The following ARHGEF26 variants were observed in gnomAD, a reference collection of about 807,000 sequenced individuals.
ARHGEF26 encodes the protein Rho guanine nucleotide exchange factor 26.
In ARHGEF26, 59 loss-of-function variants were observed where a neutral mutation model predicts 89.4. That is an observed-to-expected ratio of 0.66 (90% CI 0.54 to 0.82). ARHGEF26 has a LOEUF of 0.82. Among genes scored for constraint, ARHGEF26 ranks in the 40% least tolerant of loss-of-function variants. The pLI is 0.00. For missense variants in ARHGEF26, 1,234 were observed against 1,085.6 expected (o/e 1.14, Z -1.92); for synonymous variants, 500 against 428.4 (o/e 1.17, Z -2.06).
chr3:154,248,040 G>A (rs1218491336), intron 12 of ARHGEF26, among the ~76,000 whole-genome samples: 1 of 152,184 alleles, frequency 6.6e-6, no homozygotes, highest in Non-Finnish European at 1.5e-5. Context: ...CACACAACAG[G>A]CTGTGGCAAG....
At chr3:154,143,099 A>G (rs1457041619) in intron 4 of ARHGEF26, among the ~76,000 whole-genome samples, 1 of 152,134 alleles carries the variant, frequency 6.6e-6, no homozygotes. Context: ...AGGATGTTGA[A>G]GTAGTATTTT....
At chr3:154,203,171 C>T (rs2108215715) in intron 9 of ARHGEF26, among the ~76,000 whole-genome samples, 1 of 152,148 alleles carries the variant, frequency 6.6e-6, no homozygotes, top group South Asian at 2.1e-4. Context: ...GAGATACGTC[C>T]CATTGATACC....
chr3:154,239,297 AGAGTGTGTGTGTGT>A (rs773562200), intron 11 of ARHGEF26, among the ~76,000 whole-genome samples: 253 of 52,984 alleles, frequency 4.8e-3, no homozygotes, highest in Middle Eastern at 0.011. Context: ...AGAGAGAGAG[AGAGTGTGTGTGTGT>A]GTGTGTGTGT....
chr3:154,126,906 A>C (rs1244564603), intron 3 of ARHGEF26, among the ~76,000 whole-genome samples: 1 of 152,254 alleles, frequency 6.6e-6, no homozygotes, highest in Non-Finnish European at 1.5e-5. Flanking sequence ...CCTAGGATAT[A>C]TGGTAGAGCC....
At chr3:154,216,509 A>ATTTTTTTATTTTT (rs1715752432) in intron 9 of ARHGEF26, among the ~76,000 whole-genome samples, 1 of 26,342 alleles carries the variant, frequency 3.8e-5, no homozygotes, top group South Asian at 2.3e-3. Flanking sequence ...TTTATTTTTT[A>ATTTTTTTATTTTT]TTTTTTTTTT....
chr3:154,133,667 C>T (rs915798681), intron 4 of ARHGEF26, among the ~76,000 whole-genome samples: 2 of 151,798 alleles, frequency 1.3e-5, no homozygotes, highest in Non-Finnish European at 2.9e-5. Flanking sequence ...TATTCTTTTG[C>T]TTAGGATTTT....
At chr3:154,152,391 T>C (rs1720075758) in intron 5 of ARHGEF26, among the ~76,000 whole-genome samples, 1 of 152,172 alleles carries the variant, frequency 6.6e-6, no homozygotes, top group African/African-American at 2.4e-5. Context: ...TAAAGCAGCA[T>C]GCTTTGAAAG....
intron 3 of ARHGEF26, 113 bp from the exon 4 acceptor site, chr3:154,129,461 C>G (rs1718542485): frequency 1.7e-6 from 2 of 1,158,784 alleles, no homozygotes; most frequent in Non-Finnish European, 2.4e-6. Flanking sequence ...ATCTGTTTGT[C>G]TCTCTGTTTA....
At chr3:154,129,206 A>G (rs1055535165) in intron 3 of ARHGEF26, among the ~76,000 whole-genome samples, 1 of 152,180 alleles carries the variant, frequency 6.6e-6, no homozygotes, top group African/African-American at 2.4e-5. Context: ...TAGATACACA[A>G]TAAATGTTTA....
At chr3:154,147,278 G>A (rs553382678) in intron 4 of ARHGEF26, among the ~76,000 whole-genome samples, 2 of 152,252 alleles carry the variant, frequency 1.3e-5, no homozygotes, top group Middle Eastern at 3.4e-3. Flanking sequence ...TGTGGTGCAC[G>A]CCTATAATCT....
intron 4 of ARHGEF26, among the ~76,000 whole-genome samples, chr3:154,144,250 G>A (rs1719566047): frequency 6.6e-6 from 1 of 152,146 alleles, no homozygotes; most frequent in African/African-American, 2.4e-5. Context: ...TGGACAGGCC[G>A]GCCCAAGTTT....
At chr3:154,173,206 C>A (rs1453611161) in intron 6 of ARHGEF26, among the ~76,000 whole-genome samples, 3 of 151,804 alleles carry the variant, frequency 2.0e-5, no homozygotes, top group Non-Finnish European at 4.4e-5. Flanking sequence ...CTGCCACCCC[C>A]CCACCCCACC....
chr3:154,242,858 C>T (rs1329495705), intron 12 of ARHGEF26, among the ~76,000 whole-genome samples: 2 of 151,996 alleles, frequency 1.3e-5, no homozygotes, highest in African/African-American at 4.8e-5. Flanking sequence ...TGTTTGTTTA[C>T]AAAACAAACA....
chr3:154,239,260 GGGAGAGAGA>G (rs1559920381), intron 11 of ARHGEF26, among the ~76,000 whole-genome samples: 10 of 115,820 alleles, frequency 8.6e-5, no homozygotes, highest in Non-Finnish European at 1.5e-4. Context: ...GAGAGAGAGA[GGGAGAGAGA>G]GAGAGAGAGA....
intron 10 of ARHGEF26, 69 bp downstream of exon 10, chr3:154,218,027 G>A: frequency 7.4e-7 from 1 of 1,352,002 alleles, no homozygotes; most frequent in Non-Finnish European, 1.0e-6. Context: ...GACAGTTGAG[G>A]GCAACAAAGT....
rs535997026 is a variant in ARHGEF26, at chr3:154,255,767, A to G, written c.*294A>G. ...CATCTCTGCTCCTCCTAGTTTCACCATGTTCTGGCAATAAAAAACACATAT... is the reference window on the plus strand; with the variant it reads ...CATCTCTGCTCCTCCTAGTTTCACCGTGTTCTGGCAATAAAAAACACATAT... On this transcript the variant is annotated 3_prime_UTR_variant, in exon 15 of 15. Transcript: ENST00000465093. 1.7e-5 allele frequency: 20 copies of G among 1,173,894 alleles called. No individual in the cohort carries two copies. The highest frequency in any genetic ancestry group is 1.8e-5 in the Non-Finnish European group (17 of 951,026). 72.7% of individuals were successfully genotyped at this position (1,173,894 alleles called of 1,614,324 possible). A position where few individuals can be genotyped will look rare whatever the true frequency, so the allele number is the denominator to read the frequency against.
chr3:154,165,583 T>G (rs1576724731), intron 6 of ARHGEF26, among the ~76,000 whole-genome samples: 1 of 152,192 alleles, frequency 6.6e-6, no homozygotes. Flanking sequence ...TTCCAGACTT[T>G]CCTGGCATGA....
intron 9 of ARHGEF26, among the ~76,000 whole-genome samples, chr3:154,202,737 C>T (rs1714727597): frequency 6.8e-6 from 1 of 146,778 alleles, no homozygotes; most frequent in South Asian, 2.3e-4. Flanking sequence ...AAGTTGGATT[C>T]CTAGGTATTT....
chr3:154,124,506 A>G, intron 3 of ARHGEF26, 57 bp downstream of exon 3: 4 of 1,450,310 alleles, frequency 2.8e-6, no homozygotes, highest in Non-Finnish European at 3.7e-6. Context: ...TACCAATTAT[A>G]AGTTGAAATC....
Sources: allele counts gnomAD v4.1 joint callset (sites outside exome capture counted in the v4.1 genomes callset), GRCh38; gene constraint gnomAD v4.1.1; transcripts MANE v1.5; gene names NCBI Gene and HGNC (gene_info 2026-07-23, HGNC 2026-07-21).